RICTOR: variants seen among roughly 807,000 people sequenced by gnomAD.
RICTOR encodes the protein RPTOR independent companion of MTOR complex 2.
RICTOR carries 49 observed loss-of-function variants against 214.9 expected under a neutral mutation model. That is an observed-to-expected ratio of 0.23 (90% CI 0.18 to 0.29). The LOEUF is 0.29. Among genes scored for constraint, RICTOR ranks in the 10% least tolerant of loss-of-function variants. RICTOR has a pLI of 1.00. For missense variants in RICTOR, 1,625 were observed against 2,047.0 expected, an observed-to-expected ratio of 0.79 and a Z score of 3.98; for synonymous variants, 717 against 711.3, an observed-to-expected ratio of 1.01 and a Z score of -0.13.
At chr5:38,952,009 G>C (rs1321466814) in intron 30 of RICTOR, among the ~76,000 whole-genome samples, 187 bp downstream of exon 30, 1 of 151,918 alleles carries the variant, frequency 6.6e-6, no homozygotes, top group Non-Finnish European at 1.5e-5. Context: ...TAAGGAGAGA[G>C]AAAAATGTAA....
intron 32 of RICTOR, 122 bp downstream of exon 32, chr5:38,947,142 C>A: frequency 1.5e-6 from 1 of 686,334 alleles, no homozygotes; most frequent in South Asian, 2.1e-5. Context: ...ACAAAACGGT[C>A]TTAAAAATCA....
At chr5:39,059,056 C>T (rs574672163) in intron 2 of RICTOR, among the ~76,000 whole-genome samples, 1 of 152,134 alleles carries the variant, frequency 6.6e-6, no homozygotes, top group African/African-American at 2.4e-5. Flanking sequence ...CAAACTTTAT[C>T]CACTCATATA....
chr5:39,070,839 T>C (rs940903693), intron 2 of RICTOR, among the ~76,000 whole-genome samples: 2 of 152,148 alleles, frequency 1.3e-5, no homozygotes, highest in East Asian at 3.9e-4. Context: ...GAGGAAGCAT[T>C]TGGGCTTCAA....
At chr5:38,981,792 A>C in intron 8 of RICTOR, 75 bp downstream of exon 8, 2 of 1,017,510 alleles carry the variant, frequency 2.0e-6, no homozygotes, top group Non-Finnish European at 2.9e-6. Flanking sequence ...GCATCTATAA[A>C]ATTTAGTATT....
chr5:39,005,337 G>A (rs1253098596), intron 3 of RICTOR, among the ~76,000 whole-genome samples: 1 of 149,288 alleles, frequency 6.7e-6, no homozygotes, highest in East Asian at 1.9e-4. Context: ...TCACAAATCC[G>A]TAAATCCTCT....
intron 9 of RICTOR, among the ~76,000 whole-genome samples, chr5:38,976,446 C>A (rs1751238240): frequency 6.6e-6 from 1 of 151,096 alleles, no homozygotes; most frequent in African/African-American, 2.4e-5. Flanking sequence ...TATGAGTGAG[C>A]AATTAGTCTA....
At chr5:38,994,389 C>A (rs1237170270) in intron 6 of RICTOR, among the ~76,000 whole-genome samples, 2 of 121,784 alleles carry the variant, frequency 1.6e-5, no homozygotes, top group East Asian at 4.8e-4. Context: ...AAGGAATACT[C>A]AACCTGTAGT....
At chr5:39,029,259 A>G (rs1279213659) in intron 2 of RICTOR, among the ~76,000 whole-genome samples, 1 of 152,166 alleles carries the variant, frequency 6.6e-6, no homozygotes. Context: ...TAAGTCACTA[A>G]TCATAAAACA....
chr5:38,952,529 C>A, intron 29 of RICTOR, 104 bp from the exon 30 acceptor site: 1 of 684,990 alleles, frequency 1.5e-6, no homozygotes, highest in Non-Finnish European at 2.3e-6. Flanking sequence ...TTCTCTAAAA[C>A]CCACCAAAAT....
At position 38,944,560 on chromosome 5, in the gene RICTOR, G is replaced by A; in HGVS notation, c.4799C>T (p.Thr1600Ile). The stretch of plus-strand genomic sequence containing the variant: ...GCACATTGGTGTATCATCTGGAATT[G>A]TTTTAACACCTGAAAAGATTTCAGG... The part of the protein sequence containing the change: ...KSTELLLGVK[T>I]IPDDTPMCRI... The change falls in exon 36 of 38, where the codon ACA (threonine) becomes ATA (isoleucine). Residue 1600 changes from threonine (T) to isoleucine (I), a missense_variant. Physicochemically the swap from Thr to Ile is moderately conservative, Grantham distance 89 (BLOSUM62 -1). Around this residue, in one of 5 missense-constraint regions of RICTOR, gnomAD observed 1,214 missense variants for 1,470.5 expected, o/e 0.83. Transcript: ENST00000357387. 2 of 1,595,016 alleles carry A rather than the reference G, an allele frequency of 1.3e-6. No individual in the cohort carries two copies. The highest frequency in any genetic ancestry group is 1.7e-6 in the Non-Finnish European group (2 of 1,173,830).
At chr5:39,028,490 T>C (rs1467216692) in intron 2 of RICTOR, among the ~76,000 whole-genome samples, 5 of 152,176 alleles carry the variant, frequency 3.3e-5, no homozygotes, top group Non-Finnish European at 7.3e-5. Context: ...CCTGGAATTC[T>C]TACACACTGT....
rs1463039913 is a variant in RICTOR, at chr5:38,941,141, T to C, written c.*1163A>G. 4.3e-6 allele frequency: 1 copy of C among 232,784 alleles called. No homozygotes were observed. The highest frequency in any genetic ancestry group is 6.1e-5 in the East Asian group (1 of 16,394). The allele number at this position is 232,784 out of a possible 1,614,324, so 14.4% of individuals were successfully genotyped here. Reference sequence around the variant, plus strand: ...TATACAAATTAAACAAACAAAAACCTTGCCCTCATCAACTTAACTTCACAA... The same window carrying C: ...TATACAAATTAAACAAACAAAAACCCTGCCCTCATCAACTTAACTTCACAA... On this transcript the variant is annotated 3_prime_UTR_variant, in exon 38 of 38. Transcript: ENST00000357387.
At chr5:39,023,076 T>C (rs146904718) in intron 2 of RICTOR, among the ~76,000 whole-genome samples, 4 of 151,360 alleles carry the variant, frequency 2.6e-5, no homozygotes, top group Admixed American at 2.0e-4. Context: ...ATCTTAAAAG[T>C]AGCCAGATTA....
Position 38,955,656 on chromosome 5 carries a change from C to A in RICTOR, c.2548G>T (p.Ala850Ser). Residue 850 changes from alanine (A) to serine (S), a missense_variant, in exon 26 of 38, where the codon GCA becomes TCA. This residue lies in a region of RICTOR where 1,214 missense variants were observed against 1,470.5 expected (regional missense o/e 0.83). Coordinates refer to ENST00000357387, the MANE Select transcript of RICTOR (RefSeq NM_152756.5). The part of the protein sequence containing the change: ...VDLIEEQLNE[A>S]LTTYRKPVDG... Reference sequence around the variant, plus strand: ...ACAGGCTTCCGGTAAGTAGTAAGTGCTTCATTGAGTTGTTCCTCAATCAAG... The same window carrying A: ...ACAGGCTTCCGGTAAGTAGTAAGTGATTCATTGAGTTGTTCCTCAATCAAG... 6.2e-7 allele frequency: 1 copy of A among 1,610,794 alleles called. No homozygotes were observed. Among genetic ancestry groups the A allele is most frequent in the East Asian group, 2.2e-5 (1 of 44,838 alleles).
At position 38,965,106 on chromosome 5, in the gene RICTOR, TTAACA is replaced by T. The variant is rs143744697; in HGVS notation, c.1300-219_1300-215del. 2.8e-3 allele frequency among the ~76,000 whole-genome samples: 425 copies of T among 152,118 alleles called. 7 individuals are homozygous for T. The East Asian group carries it at 0.049, about 18-fold the overall frequency. On this transcript the variant is annotated intron_variant, in intron 15 of 37. Transcript: ENST00000357387. Reference sequence around the variant, plus strand: ...GATGGAATATAAAGATACACACATATTAACATAACCATTAAGTTTCATAGATTCTT... The same window carrying T: ...GATGGAATATAAAGATACACACATATTAACCATTAAGTTTCATAGATTCTT...
At chr5:39,043,265 T>G (rs760369191) in intron 2 of RICTOR, among the ~76,000 whole-genome samples, 13 of 152,188 alleles carry the variant, frequency 8.5e-5, no homozygotes, top group Admixed American at 1.3e-4. Context: ...AATGAATTTT[T>G]TAAGTGTGGT....
At chr5:39,044,530 A>G (rs1484050339) in intron 2 of RICTOR, among the ~76,000 whole-genome samples, 1 of 152,132 alleles carries the variant, frequency 6.6e-6, no homozygotes, top group Non-Finnish European at 1.5e-5. Context: ...AAAAAAAACT[A>G]TGCTGCTTCA....
Position 38,945,535 on chromosome 5 carries a change from C to T in RICTOR, c.4589G>A (p.Gly1530Asp), listed in dbSNP as rs145530926. The change falls in exon 34 of 38, where the codon GGT becomes GAT. Residue 1530 changes from glycine (G) to aspartate (D), a missense_variant. By Grantham distance (94) the Gly-to-Asp change is moderately conservative. Transcript: ENST00000357387. ...ACTCAGTTGGTTGCTGGGCTGGAAA[C>T]CCAGAATTTCAATACAGACACAATA... The part of the protein sequence containing the change: ...CLYCVCIEIL[G>D]FQPSNQLSAI... The T allele has an allele frequency of 3.1e-6, 5 of 1,614,050 alleles. No homozygotes were observed. Among genetic ancestry groups the T allele is most frequent in the Non-Finnish European group, 3.4e-6 (4 of 1,179,936 alleles).
chr5:38,951,881 T>C (rs933048378), intron 30 of RICTOR, among the ~76,000 whole-genome samples: 1 of 151,978 alleles, frequency 6.6e-6, no homozygotes, highest in African/African-American at 2.4e-5. Flanking sequence ...ATAAAGAAGG[T>C]AGACAAATAA....
Sources: allele counts gnomAD v4.1 joint callset (sites outside exome capture counted in the v4.1 genomes callset), GRCh38; gene constraint gnomAD v4.1.1; regional missense constraint gnomAD v4.1.1; transcripts MANE v1.5; gene names NCBI Gene and HGNC (gene_info 2026-07-23, HGNC 2026-07-21).